Variants in SGCZ observed in about 807,000 individuals in gnomAD.
The protein encoded by SGCZ is zeta-sarcoglycan.
SGCZ carries 40 observed loss-of-function variants against 41.3 expected under a neutral mutation model. The ratio of observed to expected loss-of-function variants is 0.97; its 90% CI spans 0.75 to 1.26. SGCZ has a LOEUF of 1.26. SGCZ is among the 50% of genes most tolerant of loss of function. The probability of loss-of-function intolerance (pLI) is 0.00; values close to 1 mark genes in which losing one functional copy is unlikely to be tolerated. For synonymous variants in SGCZ, 206 were observed against 137.5 expected, an observed-to-expected ratio of 1.50 and a Z score of -3.49; for missense variants, 552 against 369.8, an observed-to-expected ratio of 1.49 and a Z score of -4.04.
intron 1 of SGCZ, among the ~76,000 whole-genome samples, chr8:15,142,474 A>T (rs4831325): frequency 0.64 from 97,721 of 151,922 alleles, 34,108 homozygotes; most frequent in Non-Finnish European, 0.77. Context: ...AAATTCAGAA[A>T]GATGTGAAGC....
At chr8:14,788,595 G>C (rs1483750589) in intron 1 of SGCZ, among the ~76,000 whole-genome samples, 1 of 152,070 alleles carries the variant, frequency 6.6e-6, no homozygotes, top group Non-Finnish European at 1.5e-5. Context: ...ATCTCACATA[G>C]TGGTAGAAAA....
At chr8:14,436,505 T>G (rs1159827825) in intron 2 of SGCZ, among the ~76,000 whole-genome samples, 1 of 152,186 alleles carries the variant, frequency 6.6e-6, no homozygotes. Context: ...GTCAAAATTA[T>G]TTTTATAGTG....
intron 1 of SGCZ, among the ~76,000 whole-genome samples, chr8:14,635,893 T>C (rs1256458436): frequency 6.6e-6 from 1 of 151,922 alleles, no homozygotes. Flanking sequence ...TGGGGCGTTA[T>C]TTAAGAAAAC....
rs562652632 is a variant in SGCZ, at chr8:14,799,580, G to C, written c.40-244654C>G. On this transcript the variant is annotated intron_variant, in intron 1 of 7. Coordinates refer to ENST00000382080, the MANE Select transcript of SGCZ (RefSeq NM_139167.4). ...TTTCACTAAACTATCCTTAGCATTT[G>C]ACCTCTGTACTCAAGTTCCCCTTCT... 5.9e-5 allele frequency among the ~76,000 whole-genome samples: 9 copies of C among 152,164 alleles called. No individual in the cohort carries two copies. The East Asian group carries it at 1.5e-3, about 26-fold the overall frequency.
chr8:14,493,400 T>C (rs1348204613), intron 2 of SGCZ, among the ~76,000 whole-genome samples: 1 of 139,090 alleles, frequency 7.2e-6, no homozygotes, highest in African/African-American at 2.7e-5. Flanking sequence ...TGGAGTCTCA[T>C]TGTGTTGCCA....
chr8:14,215,941 A>G (rs1161466135), intron 4 of SGCZ, among the ~76,000 whole-genome samples: 1 of 152,238 alleles, frequency 6.6e-6, no homozygotes, highest in Non-Finnish European at 1.5e-5. Flanking sequence ...TACCCAGTGA[A>G]AGAGTGGGCT....
intron 1 of SGCZ, among the ~76,000 whole-genome samples, chr8:15,131,581 C>A (rs1217388933): frequency 6.6e-6 from 1 of 152,130 alleles, no homozygotes; most frequent in African/African-American, 2.4e-5. Flanking sequence ...AAAGTGAAAT[C>A]ATAAATATTC....
chr8:14,365,660 A>G (rs1803677385), intron 2 of SGCZ, among the ~76,000 whole-genome samples: 1 of 152,154 alleles, frequency 6.6e-6, no homozygotes, highest in Non-Finnish European at 1.5e-5. Context: ...CATAAAATCT[A>G]TTTGGGAAGG....
At chr8:14,871,515 G>T (rs966089881) in intron 1 of SGCZ, among the ~76,000 whole-genome samples, 3 of 151,782 alleles carry the variant, frequency 2.0e-5, no homozygotes, top group Non-Finnish European at 4.4e-5. Context: ...ACTGAATAAA[G>T]AAAATGTGGG....
At chr8:14,999,261 A>C (rs1356322227) in intron 1 of SGCZ, among the ~76,000 whole-genome samples, 2 of 152,222 alleles carry the variant, frequency 1.3e-5, no homozygotes, top group Non-Finnish European at 2.9e-5. Flanking sequence ...AGCTATCTTC[A>C]GAAACACAAC....
At chr8:15,010,283 A>G (rs1414095117) in intron 1 of SGCZ, among the ~76,000 whole-genome samples, 1 of 152,204 alleles carries the variant, frequency 6.6e-6, no homozygotes, top group Non-Finnish European at 1.5e-5. Flanking sequence ...TGTTTTATGT[A>G]TTGATGAAGC....
intron 2 of SGCZ, among the ~76,000 whole-genome samples, chr8:14,368,990 G>C (rs1028858698): frequency 3.3e-5 from 5 of 150,662 alleles, no homozygotes; most frequent in Admixed American, 2.0e-4. Flanking sequence ...GTCCTGGATT[G>C]TCTGCTGTCA....
chr8:14,293,640 C>T (rs1800916762), intron 3 of SGCZ, among the ~76,000 whole-genome samples: 1 of 151,830 alleles, frequency 6.6e-6, no homozygotes, highest in Non-Finnish European at 1.5e-5. Flanking sequence ...AATCTTCAAA[C>T]TAGTTAATGC....
At chr8:15,024,800 G>A (rs1803387669) in intron 1 of SGCZ, among the ~76,000 whole-genome samples, 1 of 152,178 alleles carries the variant, frequency 6.6e-6, no homozygotes, top group Admixed American at 6.5e-5. Flanking sequence ...GCCGGGCATG[G>A]TGGCGAGCAC....
At chr8:14,666,042 A>G (rs904380811) in intron 1 of SGCZ, among the ~76,000 whole-genome samples, 1 of 152,190 alleles carries the variant, frequency 6.6e-6, no homozygotes, top group African/African-American at 2.4e-5. Context: ...AGCTTGCACA[A>G]GAACCTGATT....
intron 2 of SGCZ, among the ~76,000 whole-genome samples, chr8:14,417,735 C>A (rs57354962): frequency 6.6e-6 from 1 of 151,486 alleles, no homozygotes; most frequent in Non-Finnish European, 1.5e-5. Context: ...TTGTTTTACA[C>A]AAAAAAGGTA....
intron 1 of SGCZ, among the ~76,000 whole-genome samples, chr8:15,129,384 C>T (rs538614188): frequency 6.6e-6 from 1 of 152,206 alleles, no homozygotes; most frequent in South Asian, 2.1e-4. Flanking sequence ...GCCTTCCTAT[C>T]CTCAAACTCA....
chr8:15,083,378 A>G (rs1805826938), intron 1 of SGCZ, among the ~76,000 whole-genome samples: 1 of 152,216 alleles, frequency 6.6e-6, no homozygotes, highest in African/African-American at 2.4e-5. Flanking sequence ...CATATAGCCT[A>G]AACTTTTTTC....
intron 1 of SGCZ, among the ~76,000 whole-genome samples, chr8:14,795,841 A>T (rs555504764): frequency 2.0e-5 from 3 of 152,216 alleles, no homozygotes; most frequent in South Asian, 2.1e-4. Context: ...CCACCCTCCG[A>T]AAGATCCCAG....
Sources: gnomAD v4.1 joint callset for allele counts (sites outside exome capture counted in the v4.1 genomes callset) on GRCh38, gnomAD v4.1.1 for gene constraint, MANE v1.5 for transcripts, NCBI Gene and HGNC (gene_info 2026-07-23, HGNC 2026-07-21) for gene names.